Variants in GRIA3 observed in about 807,000 individuals in gnomAD.
GRIA3 encodes glutamate ionotropic receptor AMPA type subunit 3.
GRIA3 carries 3 observed loss-of-function variants against 63.0 expected under a neutral mutation model. The ratio of observed to expected loss-of-function variants is 0.05; its 90% CI spans 0.02 to 0.12. GRIA3 has a LOEUF of 0.12. Ranked by LOEUF, GRIA3 falls within the 10% of genes least tolerant of loss-of-function variation. The pLI is 1.00. For synonymous variants in GRIA3, 274 were observed against 257.9 expected, an observed-to-expected ratio of 1.06 and a Z score of -0.60; for missense variants, 347 against 700.9, an observed-to-expected ratio of 0.50 and a Z score of 5.70.
chrX:123,432,140 AAAGCACTT>A, intron 12 of GRIA3, among the ~76,000 whole-genome samples: 1 of 111,912 alleles, frequency 8.9e-6, no homozygotes, highest in East Asian at 2.8e-4. Context: ...TAGATCCCTT[AAAGCACTT>A]AGCCTGTGAT....
chrX:123,486,910 C>A (rs1770095188), intron 15 of GRIA3, among the ~76,000 whole-genome samples: 1 of 112,137 alleles, frequency 8.9e-6, no homozygotes, highest in Non-Finnish European at 1.9e-5. Flanking sequence ...TGACTCAGGG[C>A]AAATCACCTG....
chrX:123,216,672 C>T lies in GRIA3; in HGVS notation c.268+30682C>T, dbSNP rs762864783. ...CTATGCCAAGCCTCCACCACCACCACCACTGAGGAGAAGGAATGTCATAAT... is the reference window on the plus strand; with the variant it reads ...CTATGCCAAGCCTCCACCACCACCATCACTGAGGAGAAGGAATGTCATAAT... On this transcript the variant is annotated intron_variant, in intron 2 of 15. Coordinates refer to ENST00000620443, the MANE Select transcript of GRIA3 (RefSeq NM_007325.5). Among the ~76,000 whole-genome samples, 9 of 111,717 alleles carry T rather than the reference C, an allele frequency of 8.1e-5. No homozygotes were observed. The South Asian group carries it at 3.4e-3, about 42-fold the overall frequency.
intron 3 of GRIA3, among the ~76,000 whole-genome samples, chrX:123,260,426 C>A (rs4825848): frequency 0.21 from 1,545 of 7,209 alleles, 298 homozygotes; most frequent in Middle Eastern, 0.33. Flanking sequence ...GACAGACAGA[C>A]AGAAAGAAAG....
chrX:123,280,839 G>A (rs1450255139), intron 3 of GRIA3, among the ~76,000 whole-genome samples: 1 of 111,575 alleles, frequency 9.0e-6, no homozygotes, highest in Non-Finnish European at 1.9e-5. Flanking sequence ...GCTAACTGAA[G>A]TTTCTGGCTA....
chrX:123,393,013 A>G (rs2045394848), intron 5 of GRIA3, among the ~76,000 whole-genome samples: 1 of 112,464 alleles, frequency 8.9e-6, no homozygotes, highest in Non-Finnish European at 1.9e-5. Flanking sequence ...GGGAGAAAAC[A>G]CTGAGTCTTA....
intron 3 of GRIA3, among the ~76,000 whole-genome samples, chrX:123,266,847 T>C (rs1243913513): frequency 9.0e-6 from 1 of 110,881 alleles, no homozygotes; most frequent in Non-Finnish European, 1.9e-5. Flanking sequence ...CTTTTCCTTT[T>C]TTTAGCACTC....
chrX:123,286,807 G>A (rs2044622891), intron 3 of GRIA3, among the ~76,000 whole-genome samples: 2 of 111,419 alleles, frequency 1.8e-5, no homozygotes, highest in South Asian at 3.8e-4. Flanking sequence ...AGGACCAGAC[G>A]GATTCGCAGC....
At chrX:123,220,113 C>A (rs1161369958) in intron 2 of GRIA3, among the ~76,000 whole-genome samples, 1 of 112,360 alleles carries the variant, frequency 8.9e-6, no homozygotes, top group Non-Finnish European at 1.9e-5. Context: ...ACTAGAAAAT[C>A]CTTTACATCT....
At chrX:123,322,128 A>G (rs1422487831) in intron 3 of GRIA3, among the ~76,000 whole-genome samples, 1 of 111,731 alleles carries the variant, frequency 9.0e-6, no homozygotes, top group South Asian at 3.8e-4. Context: ...TGCCAAGATT[A>G]TCACACCTTA....
At chrX:123,315,861 G>A (rs1000320270) in intron 3 of GRIA3, among the ~76,000 whole-genome samples, 25 of 110,962 alleles carry the variant, frequency 2.3e-4, no homozygotes, top group African/African-American at 7.9e-4. Flanking sequence ...AAGCCCATGT[G>A]AGCACTAGAA....
intron 2 of GRIA3, among the ~76,000 whole-genome samples, chrX:123,206,448 C>T (rs940411191): frequency 2.7e-5 from 3 of 112,064 alleles, no homozygotes; most frequent in Admixed American, 9.4e-5. Context: ...CACTGGCTGC[C>T]GTTCTTGTCC....
chrX:123,454,567 G>C (rs896402132), intron 12 of GRIA3, among the ~76,000 whole-genome samples: 2 of 110,914 alleles, frequency 1.8e-5, no homozygotes, highest in Non-Finnish European at 3.8e-5. Context: ...GGGCTGTCCT[G>C]TGCATTGTAA....
Position 123,289,463 on chromosome X carries a change from A to T in GRIA3, c.508+35921A>T, listed in dbSNP as rs376372935. Among the ~76,000 whole-genome samples the T allele has an allele frequency of 1.7e-4, 18 of 108,088 alleles. 1 individual carries two copies. The East Asian group carries it at 4.6e-3, about 28-fold the overall frequency. 93.9% of individuals were successfully genotyped at this position (108,088 alleles called of 115,157 possible). A position where few individuals can be genotyped will look rare whatever the true frequency, so the allele number is the denominator to read the frequency against. ...ATATATAAAGATAAAGATAATAATA[A>T]ATAACGGAAATTGCAGTGACCCACT... is the stretch of plus-strand genomic sequence containing the variant. On this transcript the variant is annotated intron_variant, in intron 3 of 15. Transcript: ENST00000620443.
At chrX:123,417,884 C>T (rs1264766279) in intron 11 of GRIA3, 106 bp downstream of exon 11, 1 of 719,784 alleles carries the variant, frequency 1.4e-6, no homozygotes, top group African/African-American at 2.1e-5. Flanking sequence ...TTTCATTTAA[C>T]ATTCCATCAA....
chrX:123,271,845 A>T (rs1473028976), intron 3 of GRIA3, among the ~76,000 whole-genome samples: 1 of 111,683 alleles, frequency 9.0e-6, no homozygotes, highest in Non-Finnish European at 1.9e-5. Context: ...CTGATTCCTA[A>T]CTCCCAGTGA....
intron 2 of GRIA3, among the ~76,000 whole-genome samples, chrX:123,216,812 A>G (rs1333636438): frequency 4.5e-5 from 5 of 111,870 alleles, no homozygotes; most frequent in Non-Finnish European, 9.4e-5. Flanking sequence ...ATTTTCTTCG[A>G]GAAATGTGTG....
chrX:123,351,911 A>G (rs917404403), intron 4 of GRIA3, among the ~76,000 whole-genome samples: 5 of 111,797 alleles, frequency 4.5e-5, no homozygotes, highest in Non-Finnish European at 9.4e-5. Context: ...TGTTGTTATA[A>G]GACAGCTACC....
chrX:123,190,923 A>G (rs1013077472), intron 2 of GRIA3, among the ~76,000 whole-genome samples: 1 of 112,054 alleles, frequency 8.9e-6, no homozygotes, highest in Admixed American at 9.4e-5. Context: ...ATTTTAACAG[A>G]TTGAAAAATA....
chrX:123,476,306 C>G (rs2045886741), intron 13 of GRIA3, among the ~76,000 whole-genome samples: 1 of 111,302 alleles, frequency 9.0e-6, no homozygotes, highest in South Asian at 3.8e-4. Flanking sequence ...AAATGACATT[C>G]AAAATGATCA....
Sources: allele counts gnomAD v4.1 joint callset (sites outside exome capture counted in the v4.1 genomes callset), GRCh38; gene constraint gnomAD v4.1.1; transcripts MANE v1.5; gene names NCBI Gene and HGNC (gene_info 2026-07-23, HGNC 2026-07-21).